Variants in UXS1 observed in about 807,000 individuals in gnomAD.
UXS1 encodes the protein UDP-glucuronic acid decarboxylase 1.
Under a neutral mutation model 62.6 loss-of-function variants are expected in UXS1, and 33 were observed. The observed-to-expected ratio is 0.53, with a 90% confidence interval of 0.40 to 0.70. The LOEUF (loss-of-function observed/expected upper bound fraction) is 0.70. UXS1 is among the 30% of genes least tolerant of loss of function. The pLI is 0.00. For synonymous variants in UXS1, 213 were observed against 206.8 expected (o/e 1.03, Z -0.26); for missense variants, 434 against 556.3 (o/e 0.78, Z 2.21).
At chr2:106,097,341 C>A in intron 13 of UXS1, 1 of 401,284 alleles carries the variant, frequency 2.5e-6, no homozygotes, top group Non-Finnish European at 5.1e-6. Flanking sequence ...GCCTGTTCCA[C>A]ATCCTTGCTG....
chr2:106,159,719 C>T (rs1682737152), intron 4 of UXS1, among the ~76,000 whole-genome samples: 1 of 152,186 alleles, frequency 6.6e-6, no homozygotes, highest in African/African-American at 2.4e-5. Flanking sequence ...CCAGCACAGA[C>T]ACAGCACTAG....
At chr2:106,181,451 G>A (rs1684240078) in intron 1 of UXS1, among the ~76,000 whole-genome samples, 2 of 152,178 alleles carry the variant, frequency 1.3e-5, no homozygotes, top group African/African-American at 4.8e-5. Flanking sequence ...GGGCGTGGTG[G>A]CTCACACCTG....
chr2:106,141,941 G>A (rs1162619347), intron 6 of UXS1, among the ~76,000 whole-genome samples: 1 of 151,400 alleles, frequency 6.6e-6, no homozygotes, highest in Non-Finnish European at 1.5e-5. Context: ...CACTATCTTG[G>A]CTCACTGCAA....
intron 6 of UXS1, among the ~76,000 whole-genome samples, chr2:106,142,317 C>T (rs987676513): frequency 6.6e-6 from 1 of 152,194 alleles, no homozygotes; most frequent in Non-Finnish European, 1.5e-5. Context: ...ATTTCAGATT[C>T]TCTTCCATCT....
intron 13 of UXS1, chr2:106,097,045 G>A (rs1347641099): frequency 1.4e-5 from 9 of 663,682 alleles, no homozygotes; most frequent in African/African-American, 1.2e-4. Flanking sequence ...GTGTGCAGGC[G>A]CCCAGCAAGA....
At chr2:106,115,949 G>C (rs1219661039) in intron 9 of UXS1, among the ~76,000 whole-genome samples, 1 of 152,160 alleles carries the variant, frequency 6.6e-6, no homozygotes, top group African/African-American at 2.4e-5. Flanking sequence ...CACTAGGATT[G>C]CAAGGAACAG....
intron 1 of UXS1, among the ~76,000 whole-genome samples, chr2:106,176,949 G>A (rs1683919590): frequency 6.6e-6 from 1 of 152,140 alleles, no homozygotes; most frequent in Non-Finnish European, 1.5e-5. Flanking sequence ...CCCTTGTGAT[G>A]CACACCTTCC....
At position 106,104,790 on chromosome 2, in the gene UXS1, T is replaced by C. The variant is rs1677913607; in HGVS notation, c.923+4A>G. On this transcript the variant is annotated splice_donor_region_variant and intron_variant, in intron 11 of 14. Coordinates refer to ENST00000283148, the MANE Select transcript of UXS1 (RefSeq NM_001253875.2). ...AAGGCTGGGGCAGGGCAGGACAGTC[T>C]TACCTGACGTACTGGAACGCCCTTG... 1 of 1,613,956 alleles carries C rather than the reference T, an allele frequency of 6.2e-7. No homozygotes were observed. The highest frequency in any genetic ancestry group is 8.5e-7 in the Non-Finnish European group (1 of 1,179,888).
intron 8 of UXS1, among the ~76,000 whole-genome samples, chr2:106,124,348 G>T (rs563645635): frequency 1.8e-4 from 28 of 152,204 alleles, no homozygotes; most frequent in Non-Finnish European, 2.8e-4. Context: ...AAATGCCCAG[G>T]ATGCCAAGCT....
intron 1 of UXS1, among the ~76,000 whole-genome samples, chr2:106,191,165 G>A (rs1684905523): frequency 6.6e-6 from 1 of 152,154 alleles, no homozygotes; most frequent in South Asian, 2.1e-4. Context: ...CAGGGCCAGA[G>A]TAGGTAACAA....
At chr2:106,097,101 C>T (rs145093289) in intron 13 of UXS1, 23 of 551,738 alleles carry the variant, frequency 4.2e-5, no homozygotes, top group Middle Eastern at 2.8e-4. Context: ...CCTGAGTTAC[C>T]GCCCACTACA....
intron 9 of UXS1, among the ~76,000 whole-genome samples, chr2:106,116,061 T>G (rs1279196544): frequency 6.6e-6 from 1 of 151,900 alleles, no homozygotes; most frequent in African/African-American, 2.4e-5. Context: ...GAGAGAGGGG[T>G]GAGGGCTTGG....
intron 1 of UXS1, among the ~76,000 whole-genome samples, chr2:106,186,153 T>C (rs553921624): frequency 6.6e-6 from 1 of 152,294 alleles, no homozygotes; most frequent in Admixed American, 6.5e-5. Context: ...GGATCGTCAA[T>C]GGACATGAAA....
rs144294226 is a variant in UXS1 at position 106,155,334 on chromosome 2, C to T, written c.291+2724G>A. The stretch of plus-strand genomic sequence containing the variant: ...AGAGAGTTCATTGCTAGCAGACCTA[C>T]CACACAAGAAATACTAAAGGATGTT... On this transcript the variant is annotated intron_variant, in intron 5 of 14. Transcript: ENST00000283148. Among the ~76,000 whole-genome samples, 942 of 152,232 alleles carry T rather than the reference C, an allele frequency of 6.2e-3. 10 individuals are homozygous for T. Among genetic ancestry groups the T allele is most frequent in the African/African-American group, 0.021 (873 of 41,510 alleles).
intron 5 of UXS1, among the ~76,000 whole-genome samples, chr2:106,152,533 G>T (rs1425543464): frequency 7.2e-6 from 1 of 139,342 alleles, no homozygotes; most frequent in Non-Finnish European, 1.6e-5. Flanking sequence ...AGAAAAGAAA[G>T]AAAAGAGAGA....
At chr2:106,181,595 T>A (rs1431796289) in intron 1 of UXS1, among the ~76,000 whole-genome samples, 1 of 152,116 alleles carries the variant, frequency 6.6e-6, no homozygotes, top group Non-Finnish European at 1.5e-5. Flanking sequence ...GGCGTGCGCC[T>A]GTAGTCTCCT....
intron 5 of UXS1, among the ~76,000 whole-genome samples, chr2:106,145,629 A>G (rs1681498196): frequency 6.6e-6 from 1 of 152,216 alleles, no homozygotes; most frequent in Non-Finnish European, 1.5e-5. Flanking sequence ...AATCATAGTT[A>G]CAAATTTCAA....
At chr2:106,181,887 G>A (rs116538812) in intron 1 of UXS1, among the ~76,000 whole-genome samples, 1 of 152,068 alleles carries the variant, frequency 6.6e-6, no homozygotes, top group Non-Finnish European at 1.5e-5. Context: ...TCTGAAAGTA[G>A]GGCACTTTCT....
chr2:106,127,638 A>G (rs1367647145), intron 7 of UXS1, among the ~76,000 whole-genome samples: 1 of 152,202 alleles, frequency 6.6e-6, no homozygotes, highest in Non-Finnish European at 1.5e-5. Flanking sequence ...GGCAAGTTAC[A>G]TAGAGGAAAG....
Sources: allele counts gnomAD v4.1 joint callset (sites outside exome capture counted in the v4.1 genomes callset), GRCh38; gene constraint gnomAD v4.1.1; transcripts MANE v1.5; gene names NCBI Gene and HGNC (gene_info 2026-07-23, HGNC 2026-07-21).